NRP1: variants seen among roughly 807,000 people sequenced by gnomAD.
NRP1 encodes neuropilin 1, also known as neuropilin-1.
A neutral mutation model predicts 106.7 loss-of-function variants in NRP1; 35 were observed. That is an observed-to-expected ratio of 0.33 (90% CI 0.25 to 0.43). The LOEUF (loss-of-function observed/expected upper bound fraction) is 0.43, where lower values mean the gene tolerates loss of function less well. NRP1 is among the 20% of genes least tolerant of loss of function. NRP1 has a pLI of 1.00. For synonymous variants in NRP1, 437 were observed against 417.9 expected (o/e 1.05, Z -0.56); for missense variants, 1,024 against 1,170.4 (o/e 0.87, Z 1.83).
intron 2 of NRP1, among the ~76,000 whole-genome samples, chr10:33,290,006 C>T (rs1054346796): frequency 1.3e-5 from 2 of 152,166 alleles, no homozygotes; most frequent in Non-Finnish European, 2.9e-5. Context: ...ATTGTGCGCC[C>T]TGCTTTAATA....
At chr10:33,206,118 C>A in intron 10 of NRP1, 1 of 477,366 alleles carries the variant, frequency 2.1e-6, no homozygotes, top group Non-Finnish European at 4.2e-6. Context: ...TCAAAACTGC[C>A]ACCAGGCTGT....
At chr10:33,228,768 G>T (rs1384940000) in intron 6 of NRP1, among the ~76,000 whole-genome samples, 1 of 152,160 alleles carries the variant, frequency 6.6e-6, no homozygotes, top group Non-Finnish European at 1.5e-5. Flanking sequence ...TGGTTTTAAA[G>T]ATATAAACTC....
chr10:33,215,373 G>C (rs1163923932), intron 8 of NRP1, among the ~76,000 whole-genome samples: 2 of 152,172 alleles, frequency 1.3e-5, no homozygotes, highest in African/African-American at 2.4e-5. Context: ...AAGATTGTTA[G>C]TCATGTACCC....
intron 4 of NRP1, among the ~76,000 whole-genome samples, chr10:33,258,951 CATG>C (rs1293987153): frequency 1.3e-5 from 2 of 152,100 alleles, no homozygotes; most frequent in African/African-American, 4.8e-5. Context: ...AGTGTGGCTT[CATG>C]ATGTTTTTTC....
At chr10:33,248,896 A>G (rs1841624722) in intron 6 of NRP1, among the ~76,000 whole-genome samples, 1 of 152,162 alleles carries the variant, frequency 6.6e-6, no homozygotes, top group African/African-American at 2.4e-5. Flanking sequence ...GAAGGCATAA[A>G]TACTCTAGTA....
chr10:33,331,198 C>T (rs1453690596), intron 1 of NRP1, among the ~76,000 whole-genome samples: 1 of 152,168 alleles, frequency 6.6e-6, no homozygotes, highest in African/African-American at 2.4e-5. Context: ...TTAACATGGT[C>T]CCCTGGGAGC....
intron 2 of NRP1, among the ~76,000 whole-genome samples, chr10:33,308,344 C>T (rs994065947): frequency 3.3e-5 from 5 of 149,980 alleles, no homozygotes; most frequent in Non-Finnish European, 5.9e-5. Flanking sequence ...AACCTGTACA[C>T]GTACAGGTTT....
intron 2 of NRP1, among the ~76,000 whole-genome samples, chr10:33,278,848 T>C (rs1308295249): frequency 2.6e-5 from 4 of 152,210 alleles, no homozygotes; most frequent in Non-Finnish European, 4.4e-5. Flanking sequence ...TAATAAAGAC[T>C]ATCAATAATT....
intron 11 of NRP1, among the ~76,000 whole-genome samples, chr10:33,200,671 A>T (rs1285298028): frequency 1.3e-5 from 2 of 152,226 alleles, no homozygotes; most frequent in East Asian, 3.8e-4. Flanking sequence ...AACCTATGCC[A>T]GAATTAGCAA....
At chr10:33,326,489 C>T (rs997990675) in intron 2 of NRP1, among the ~76,000 whole-genome samples, 9 of 152,154 alleles carry the variant, frequency 5.9e-5, no homozygotes, top group South Asian at 2.1e-4. Flanking sequence ...ACACCTTCTT[C>T]GGTCAGAGCA....
intron 6 of NRP1, among the ~76,000 whole-genome samples, chr10:33,237,427 T>TG (rs1258896962): frequency 6.6e-6 from 1 of 151,448 alleles, no homozygotes; most frequent in Non-Finnish European, 1.5e-5. Context: ...GGACTTTGGC[T>TG]GGGGAAGCAG....
chr10:33,237,989 G>A (rs141973830), intron 6 of NRP1, among the ~76,000 whole-genome samples: 7 of 152,274 alleles, frequency 4.6e-5, no homozygotes, highest in African/African-American at 1.4e-4. Context: ...GGGCCTTTAT[G>A]TAGTCCAGGA....
chr10:33,291,517 C>T (rs745813598), intron 2 of NRP1, among the ~76,000 whole-genome samples: 1 of 152,210 alleles, frequency 6.6e-6, no homozygotes, highest in Non-Finnish European at 1.5e-5. Flanking sequence ...CTTTTCCAGA[C>T]AACTATGAAC....
At chr10:33,295,938 C>A (rs538092940) in intron 2 of NRP1, among the ~76,000 whole-genome samples, 1 of 152,246 alleles carries the variant, frequency 6.6e-6, no homozygotes, top group South Asian at 2.1e-4. Flanking sequence ...GTATATTACC[C>A]AATAACAGGA....
At chr10:33,313,760 G>A (rs1002381520) in intron 2 of NRP1, among the ~76,000 whole-genome samples, 4 of 152,098 alleles carry the variant, frequency 2.6e-5, no homozygotes, top group South Asian at 2.1e-4. Context: ...AGACCGCACC[G>A]TTAACTGAGC....
intron 2 of NRP1, among the ~76,000 whole-genome samples, chr10:33,305,826 T>C (rs1031080331): frequency 6.6e-6 from 1 of 152,026 alleles, no homozygotes; most frequent in Non-Finnish European, 1.5e-5. Flanking sequence ...TGGAGTGCAA[T>C]GGCATGATCT....
intron 2 of NRP1, among the ~76,000 whole-genome samples, chr10:33,282,799 G>A (rs2133382330): frequency 6.6e-6 from 1 of 151,944 alleles, no homozygotes; most frequent in African/African-American, 2.4e-5. Context: ...AGGGTGGAAT[G>A]CAGTGGCACG....
intron 7 of NRP1, among the ~76,000 whole-genome samples, chr10:33,225,332 C>T (rs911248018): frequency 6.6e-6 from 1 of 152,190 alleles, no homozygotes; most frequent in Non-Finnish European, 1.5e-5. Context: ...GTTAATTGGC[C>T]TCTTCCCAAG....
chr10:33,239,181 T>C (rs1840813130), intron 6 of NRP1, among the ~76,000 whole-genome samples: 1 of 151,674 alleles, frequency 6.6e-6, no homozygotes, highest in Non-Finnish European at 1.5e-5. Context: ...GTCCAGCTAC[T>C]TGGGAGGCTG....
Sources: gnomAD v4.1 joint callset for allele counts (sites outside exome capture counted in the v4.1 genomes callset) on GRCh38, gnomAD v4.1.1 for gene constraint, MANE v1.5 for transcripts, NCBI Gene and HGNC (gene_info 2026-07-23, HGNC 2026-07-21) for gene names.